Variants in ZNF571 observed in about 807,000 individuals in gnomAD.
The protein encoded by ZNF571 is zinc finger protein 571.
A neutral mutation model predicts 7.7 loss-of-function variants in ZNF571; 4 were observed. The ratio of observed to expected loss-of-function variants is 0.52; its 90% CI spans 0.25 to 1.18. The LOEUF (loss-of-function observed/expected upper bound fraction) is 1.18, where lower values mean the gene tolerates loss of function less well. ZNF571 is among the 50% of genes most tolerant of loss of function. The pLI is 0.14. For missense variants in ZNF571, 704 were observed against 726.9 expected (o/e 0.97, Z 0.36); for synonymous variants, 251 against 232.4 (o/e 1.08, Z -0.73).
In ZNF571 at chr19:37,564,333, A is replaced by C. The variant is rs558200486; in HGVS notation, c.*265T>G. The C allele has an allele frequency of 3.3e-6, 1 of 306,504 alleles. No homozygotes were observed. Among genetic ancestry groups the C allele is most frequent in the Non-Finnish European group, 5.9e-6 (1 of 168,740 alleles). The allele number at this position is 306,504 out of a possible 1,614,324, so 19.0% of individuals were successfully genotyped here. A position where few individuals can be genotyped will look rare whatever the true frequency, so the allele number is the denominator to read the frequency against. On this transcript the variant is annotated 3_prime_UTR_variant, in exon 4 of 4. Coordinates refer to ENST00000451802, the MANE Select transcript of ZNF571 (RefSeq NM_016536.5). Reference sequence around the variant, plus strand: ...TTACAGTATTTTACAAATAGAAAAGAACACACAAGAAATATATAGGATTTC... The same window carrying C: ...TTACAGTATTTTACAAATAGAAAAGCACACACAAGAAATATATAGGATTTC...
At chr19:37,581,466 C>CTTTTT (rs1226046583) in intron 3 of ZNF571, among the ~76,000 whole-genome samples, 3 of 138,728 alleles carry the variant, frequency 2.2e-5, no homozygotes, top group Non-Finnish European at 3.1e-5. Flanking sequence ...TTCTTTCTTT[C>CTTTTT]TTTTTTTTTT....
At chr19:37,581,243 T>C (rs774216815) in intron 3 of ZNF571, among the ~76,000 whole-genome samples, 25 of 152,266 alleles carry the variant, frequency 1.6e-4, no homozygotes, top group Admixed American at 8.5e-4. Flanking sequence ...CTACCCCCAA[T>C]TGCCAAATCC....
chr19:37,568,037 T>C (rs2042922475), intron 3 of ZNF571, among the ~76,000 whole-genome samples: 1 of 152,170 alleles, frequency 6.6e-6, no homozygotes, highest in Non-Finnish European at 1.5e-5. Context: ...AGTGACAAGT[T>C]TACACAATAA....
At position 37,583,996 on chromosome 19, in the gene ZNF571, C is replaced by G; in HGVS notation, c.111G>C (p.Glu37Asp). Reference protein sequence around the residue: ...QRDLYRDVMLENYSNLISLDL... With the variant: ...QRDLYRDVMLDNYSNLISLDL... ...CCAATGAGATCAGGTTGCTGTAGTTCTCCAACATCACATCCCTGTACAAGT... is the reference window on the plus strand; with the variant it reads ...CCAATGAGATCAGGTTGCTGTAGTTGTCCAACATCACATCCCTGTACAAGT... Residue 37 changes from glutamate (E) to aspartate (D), a missense_variant, in exon 3 of 4, where the codon GAG (glutamate) becomes GAC (aspartate). Coordinates refer to ENST00000451802, the MANE Select transcript of ZNF571 (RefSeq NM_016536.5). 6.2e-7 allele frequency: 1 copy of G among 1,612,504 alleles called. No individual in the cohort carries two copies. The highest frequency in any genetic ancestry group is 8.5e-7 in the Non-Finnish European group (1 of 1,179,136).
intron 1 of ZNF571, among the ~76,000 whole-genome samples, chr19:37,593,884 T>C (rs1467389754): frequency 1.3e-5 from 2 of 152,070 alleles, no homozygotes; most frequent in Non-Finnish European, 2.9e-5. Flanking sequence ...CTTAGGAAGA[T>C]GTTGCTGGAG....
intron 1 of ZNF571, among the ~76,000 whole-genome samples, chr19:37,593,646 T>TG (rs1350721062): frequency 2.6e-5 from 4 of 152,070 alleles, no homozygotes; most frequent in African/African-American, 4.8e-5. Flanking sequence ...GAGCTTGCAG[T>TG]GAGCCGAGAC....
At chr19:37,584,856 CG>C (rs2043609526) in intron 2 of ZNF571, among the ~76,000 whole-genome samples, 1 of 150,506 alleles carries the variant, frequency 6.6e-6, no homozygotes, top group Admixed American at 6.7e-5. Context: ...CCCAGCTACT[CG>C]GGAGGCTGAG....
intron 3 of ZNF571, chr19:37,583,666 G>A: frequency 5.1e-6 from 1 of 196,908 alleles, no homozygotes; most frequent in Non-Finnish European, 1.0e-5. Flanking sequence ...AGTAAGGAAA[G>A]TATATTTGGC....
intron 2 of ZNF571, among the ~76,000 whole-genome samples, chr19:37,584,688 C>G (rs191666314): frequency 6.0e-4 from 92 of 152,154 alleles, no homozygotes; most frequent in African/African-American, 2.2e-3. Flanking sequence ...CTCGGCCGGG[C>G]GCGGTGGCTC....
chr19:37,568,566 T>A (rs1032541117), intron 3 of ZNF571, among the ~76,000 whole-genome samples: 4 of 152,122 alleles, frequency 2.6e-5, no homozygotes, highest in African/African-American at 9.7e-5. Context: ...GGAAGAAATA[T>A]TAATCTAATA....
At chr19:37,585,086 T>C (rs1758729565) in intron 2 of ZNF571, 1 of 152,190 alleles carries the variant, frequency 6.6e-6, no homozygotes, top group Non-Finnish European at 1.5e-5. Context: ...GTTCCTAGGC[T>C]ATAGCAAGGT....
Position 37,565,490 on chromosome 19 carries a change from C to A in ZNF571, c.938G>T (p.Gly313Val). 2.5e-6 allele frequency: 4 copies of A among 1,613,502 alleles called. No homozygotes were observed. Among genetic ancestry groups the A allele is most frequent in the Non-Finnish European group, 3.4e-6 (4 of 1,179,804 alleles). ...GTGTGAACCAAGAATAAAGGCCTTTCCACATTCCTTACACTCATAAGGTTT... is the reference window on the plus strand; with the variant it reads ...GTGTGAACCAAGAATAAAGGCCTTTACACATTCCTTACACTCATAAGGTTT... Reference protein sequence around the residue: ...GEKPYECKECGKAFILGSHLT... With the variant: ...GEKPYECKECVKAFILGSHLT... The change falls in exon 4 of 4, where the codon GGA becomes GTA. Residue 313 changes from glycine (G) to valine (V), a missense_variant. Transcript: ENST00000451802.
chr19:37,572,187 G>A (rs1288567801), intron 3 of ZNF571, among the ~76,000 whole-genome samples: 1 of 147,366 alleles, frequency 6.8e-6, no homozygotes, highest in East Asian at 2.0e-4. Context: ...CCCATACACT[G>A]TAAACATAGT....
At chr19:37,591,621 C>G (rs544098796) in intron 1 of ZNF571, among the ~76,000 whole-genome samples, 3 of 152,278 alleles carry the variant, frequency 2.0e-5, no homozygotes, top group African/African-American at 4.8e-5. Context: ...CTCGGCTCAC[C>G]ACAACCTCGG....
chr19:37,583,955 C>T lies in ZNF571; in HGVS notation c.136+16G>A, dbSNP rs1012173506. The T allele has an allele frequency of 2.5e-6, 4 of 1,584,886 alleles. No individual in the cohort carries two copies. The highest frequency in any genetic ancestry group is 2.7e-5 in the African/African-American group (2 of 73,926). On this transcript the variant is annotated intron_variant, in intron 3 of 3. Coordinates refer to ENST00000451802, the MANE Select transcript of ZNF571 (RefSeq NM_016536.5). Reference sequence around the variant, plus strand: ...TATGGGGAACAAATTCTGAATATTACGTAGGATGATCTTACCCAATGAGAT... The same window carrying T: ...TATGGGGAACAAATTCTGAATATTATGTAGGATGATCTTACCCAATGAGAT...
chr19:37,584,836 C>T (rs897286013), intron 2 of ZNF571, among the ~76,000 whole-genome samples: 2 of 151,942 alleles, frequency 1.3e-5, no homozygotes, highest in African/African-American at 4.8e-5. Context: ...TGATGGTGGG[C>T]ACCTGTAGTC....
intron 1 of ZNF571, chr19:37,594,122 C>G (rs1424392055): frequency 6.6e-6 from 1 of 152,248 alleles, no homozygotes; most frequent in Admixed American, 6.5e-5. Flanking sequence ...ACAGGGCTGT[C>G]AAGCTAGAAT....
chr19:37,587,775 C>A (rs528629198), intron 1 of ZNF571, among the ~76,000 whole-genome samples: 7 of 151,994 alleles, frequency 4.6e-5, no homozygotes, highest in Non-Finnish European at 8.8e-5. Context: ...ATTTTGTCCT[C>A]CCCGCTAACC....
rs758947802 is a variant in ZNF571 at position 37,569,620 on chromosome 19, G to A, written c.137-3329C>T. 1.9e-4 allele frequency among the ~76,000 whole-genome samples: 29 copies of A among 152,116 alleles called. No individual in the cohort carries two copies. Among genetic ancestry groups the A allele is most frequent in the Non-Finnish European group, 3.7e-4 (25 of 68,034 alleles). On this transcript the variant is annotated intron_variant, in intron 3 of 3. Transcript: ENST00000451802. This position sits in a 1 kb window ranked among gnomAD's most constrained non-coding sequence, Gnocchi z 4.4. The stretch of plus-strand genomic sequence containing the variant: ...AGTGCTGCTTATAACCTACTAGGTT[G>A]TATTCATAACCTCTAGCAGGTTCTG...
Sources: allele counts gnomAD v4.1 joint callset (sites outside exome capture counted in the v4.1 genomes callset), GRCh38; gene constraint gnomAD v4.1.1; non-coding constraint Gnocchi (gnomAD v3.1); transcripts MANE v1.5; gene names NCBI Gene and HGNC (gene_info 2026-07-23, HGNC 2026-07-21).